The following APBB1 variants were observed in gnomAD, a reference collection of about 807,000 sequenced individuals.
APBB1 encodes the protein amyloid beta precursor protein binding family B member 1.
A neutral mutation model predicts 78.4 loss-of-function variants in APBB1; 22 were observed. The observed-to-expected ratio is 0.28, with a 90% confidence interval of 0.20 to 0.40. APBB1 has a LOEUF of 0.40. APBB1 is among the 10% of genes least tolerant of loss of function. APBB1 has a pLI of 1.00. For missense variants in APBB1, 749 were observed against 932.4 expected, an observed-to-expected ratio of 0.80 and a Z score of 2.56; for synonymous variants, 369 against 372.7, an observed-to-expected ratio of 0.99 and a Z score of 0.12.
In APBB1 at chr11:6,401,268, G is replaced by A; in HGVS notation, c.1588+77C>T. The A allele has an allele frequency of 2.5e-6, 4 of 1,613,126 alleles. No homozygotes were observed. Among genetic ancestry groups the A allele is most frequent in the Non-Finnish European group, 2.5e-6 (3 of 1,179,580 alleles). ...TTCATTTTTCTATCAGCGCTGTCCA[G>A]GAGCTCATGCCTTTCCTTGGGTCAC... On this transcript the variant is annotated intron_variant, in intron 11 of 14. Transcript: ENST00000609360. The surrounding 1 kb of genome is among the most constrained non-coding windows in gnomAD (Gnocchi z 4.5).
In APBB1 at chr11:6,403,161, G is replaced by A; in HGVS notation, c.1088C>T (p.Thr363Ile). 1 of 1,612,806 alleles carries A rather than the reference G, an allele frequency of 6.2e-7. No homozygotes were observed. Among genetic ancestry groups the A allele is most frequent in the Non-Finnish European group, 8.5e-7 (1 of 1,179,462 alleles). Reference sequence around the variant, plus strand: ...TGAACAAACCTTGATCCCTGGGTTGGTATTCCGTGGGGGAAGCTTCTCCTC... The same window carrying A: ...TGAACAAACCTTGATCCCTGGGTTGATATTCCGTGGGGGAAGCTTCTCCTC... ...QEEEKLPPRN[T>I]NPGIKCFAVR... Residue 363 changes from threonine (T) to isoleucine (I), a missense_variant, in exon 6 of 15, where the codon ACC becomes ATC. By Grantham distance (89) the Thr-to-Ile change is moderately conservative. Coordinates refer to ENST00000609360, the MANE Select transcript of APBB1 (RefSeq NM_001164.5). The surrounding 1 kb of genome is among the most constrained non-coding windows in gnomAD (Gnocchi z 5.3).
At chr11:6,398,217 C>T (rs1414579015) in intron 12 of APBB1, among the ~76,000 whole-genome samples, 1 of 151,936 alleles carries the variant, frequency 6.6e-6, no homozygotes, top group Non-Finnish European at 1.5e-5. Flanking sequence ...CTGTGCTTTT[C>T]TCTTCTTTTT....
At chr11:6,404,611 C>T (rs1232933765) in intron 2 of APBB1, 1 of 1,536,132 alleles carries the variant, frequency 6.5e-7, no homozygotes, top group African/African-American at 1.4e-5. Context: ...ACATACCTCG[C>T]ATCTGTGTCA....
chr11:6,402,896 A>G, intron 6 of APBB1, 171 bp from the exon 7 acceptor site: 1 of 857,720 alleles, frequency 1.2e-6, no homozygotes, highest in Non-Finnish European at 1.8e-6. Flanking sequence ...GAGATGTCAG[A>G]TGAGACCCCA....
chr11:6,399,967 C>T (rs534729547), intron 12 of APBB1, among the ~76,000 whole-genome samples: 6 of 146,966 alleles, frequency 4.1e-5, no homozygotes, highest in Middle Eastern at 3.5e-3. Flanking sequence ...ATGTCACTTT[C>T]ACAGGGAAGT....
intron 12 of APBB1, chr11:6,396,567 C>T: frequency 3.6e-6 from 1 of 281,608 alleles, no homozygotes; most frequent in Non-Finnish European, 6.7e-6. Flanking sequence ...TGCTTCACAC[C>T]ACAATAACTC....
intron 2 of APBB1, among the ~76,000 whole-genome samples, chr11:6,407,773 ATTTT>A (rs34560475): frequency 1.5e-5 from 2 of 137,728 alleles, no homozygotes; most frequent in Admixed American, 7.2e-5. Flanking sequence ...TAGTAGAAGT[ATTTT>A]TTTTTTTTTT....
In APBB1 at chr11:6,402,180, A is replaced by T. The variant is rs1297246703; in HGVS notation, c.1284T>A (p.Asp428Glu). ...EGKDLLLQLE[D>E]ETLKLVEPQS... ...GTGGCTCCACTAGCTTTAGTGTCTCATCCTCCAGCTGCAGTAGCAGATCCT... is the reference window on the plus strand; with the variant it reads ...GTGGCTCCACTAGCTTTAGTGTCTCTTCCTCCAGCTGCAGTAGCAGATCCT... The change falls in exon 8 of 15, where the codon GAT (aspartate) becomes GAA (glutamate). Residue 428 changes from aspartate (D) to glutamate (E), a missense_variant. By Grantham distance (45) the Asp-to-Glu change is conservative. Transcript: ENST00000609360. 1 of 1,613,430 alleles carries T rather than the reference A, an allele frequency of 6.2e-7. No homozygotes were observed. Among genetic ancestry groups the T allele is most frequent in the East Asian group, 2.2e-5 (1 of 44,878 alleles).
intron 12 of APBB1, 136 bp downstream of exon 12, chr11:6,400,853 G>T: frequency 1.2e-6 from 1 of 821,916 alleles, no homozygotes; most frequent in Non-Finnish European, 2.1e-6. Flanking sequence ...AGTATGGGGA[G>T]GTGGGATGCA....
At chr11:6,417,627 T>C (rs768581777) in intron 1 of APBB1, among the ~76,000 whole-genome samples, 1 of 152,226 alleles carries the variant, frequency 6.6e-6, no homozygotes, top group Non-Finnish European at 1.5e-5. Flanking sequence ...CAAGAGGGTA[T>C]GCTATTAAAG....
chr11:6,413,104 C>A (rs887598562), intron 1 of APBB1, among the ~76,000 whole-genome samples: 9 of 152,006 alleles, frequency 5.9e-5, no homozygotes, highest in Non-Finnish European at 1.2e-4. Context: ...GTGCTCTCTC[C>A]CTGGACCCTC....
intron 12 of APBB1, 112 bp downstream of exon 12, chr11:6,400,877 G>C: frequency 2.0e-6 from 2 of 988,010 alleles, no homozygotes; most frequent in Non-Finnish European, 3.3e-6. Context: ...TAAAGGGTAG[G>C]GAGACACCAA....
chr11:6,414,090 G>A (rs1849055683), intron 1 of APBB1, among the ~76,000 whole-genome samples: 1 of 152,132 alleles, frequency 6.6e-6, no homozygotes, highest in African/African-American at 2.4e-5. Flanking sequence ...ACACCCAAGA[G>A]CCCTCTTAAG....
In APBB1 at chr11:6,419,075, C is replaced by A. The variant is rs1461608630; in HGVS notation, c.-105G>T. On this transcript the variant is annotated 5_prime_UTR_variant, in exon 1 of 15. Coordinates refer to ENST00000609360, the MANE Select transcript of APBB1 (RefSeq NM_001164.5). ...GCGGCTTCTCCATCACAACATCCCC[C>A]GCCCAGGAGCGCGCGGGCCGCGGGG... 1.0e-5 allele frequency: 4 copies of A among 388,018 alleles called. No individual in the cohort carries two copies. The highest frequency in any genetic ancestry group is 2.1e-5 in the African/African-American group (1 of 47,978). 24.0% of individuals were successfully genotyped at this position (388,018 alleles called of 1,614,324 possible). A position where few individuals can be genotyped will look rare whatever the true frequency, so the allele number is the denominator to read the frequency against.
chr11:6,413,673 G>GT (rs1849040997), intron 1 of APBB1, among the ~76,000 whole-genome samples: 1 of 150,110 alleles, frequency 6.7e-6, no homozygotes, highest in East Asian at 1.9e-4. Flanking sequence ...GTTTCACCAT[G>GT]TTGGCCAGGC....
At chr11:6,415,583 A>C (rs2723641) in intron 1 of APBB1, among the ~76,000 whole-genome samples, 39,774 of 152,112 alleles carry the variant, frequency 0.26, 5,393 homozygotes, top group Admixed American at 0.31. Context: ...TACTACAGCC[A>C]AGACATCAGC....
chr11:6,402,705 T>C lies in APBB1; in HGVS notation c.1125A>G (p.Leu375=). ...PGIKCFAVRS[L]GWVEMTEEEL... is the part of the protein sequence containing the mutation. ...CCTCCTCGGTCATCTCTACCCAGCCTAGGGAGCGCACGGCGAAACACTGCC... is the reference window on the plus strand; with the variant it reads ...CCTCCTCGGTCATCTCTACCCAGCCCAGGGAGCGCACGGCGAAACACTGCC... The change falls in exon 7 of 15, where the codon CTA becomes CTG. Residue 375 remains leucine (L), a synonymous_variant. Coordinates refer to ENST00000609360, the MANE Select transcript of APBB1 (RefSeq NM_001164.5). 6.2e-7 allele frequency: 1 copy of C among 1,613,938 alleles called. No homozygotes were observed. The highest frequency in any genetic ancestry group is 8.5e-7 in the Non-Finnish European group (1 of 1,179,956).
chr11:6,405,595 C>T, intron 2 of APBB1: 2 of 986,006 alleles, frequency 2.0e-6, no homozygotes, highest in South Asian at 4.7e-5. Flanking sequence ...CGTGGTTACG[C>T]CAAGGTGGCT....
intron 2 of APBB1, among the ~76,000 whole-genome samples, chr11:6,407,015 TTCA>T (rs1848825880): frequency 6.6e-6 from 1 of 152,246 alleles, no homozygotes. Context: ...AGTTTATTCA[TTCA>T]TCATTCATTT....
Sources: gnomAD v4.1 joint callset for allele counts (sites outside exome capture counted in the v4.1 genomes callset) on GRCh38, gnomAD v4.1.1 for gene constraint, Gnocchi (gnomAD v3.1) non-coding constraint, MANE v1.5 for transcripts, NCBI Gene and HGNC (gene_info 2026-07-23, HGNC 2026-07-21) for gene names.